OS9: variants seen among roughly 807,000 people sequenced by gnomAD.
OS9 encodes the protein OS9 endoplasmic reticulum lectin, also known as protein OS-9.
Under a neutral mutation model 84.7 loss-of-function variants are expected in OS9, and 58 were observed. The ratio of observed to expected loss-of-function variants is 0.68; its 90% CI spans 0.55 to 0.85. The LOEUF is 0.85. Among genes scored for constraint, OS9 ranks in the 40% least tolerant of loss-of-function variants. The pLI, the probability that OS9 is intolerant of heterozygous loss-of-function variation, is 0.00. For missense variants in OS9, 760 were observed against 850.9 expected, an observed-to-expected ratio of 0.89 and a Z score of 1.33; for synonymous variants, 278 against 320.8, an observed-to-expected ratio of 0.87 and a Z score of 1.43.
chr12:57,704,726 G>GTT lies in OS9; in HGVS notation c.579+8354_579+8355insTT, dbSNP rs1297030465. On this transcript the variant is annotated intron_variant, in intron 5 of 14. Coordinates refer to ENST00000315970, the MANE Select transcript of OS9 (RefSeq NM_006812.4). ...TTTGTCTTCTTGTTTTGTTTATAGT[G>GTT]TCTTAAATGAATTTTAATTTAAAAA... 5.9e-5 allele frequency among the ~76,000 whole-genome samples: 9 copies of GTT among 152,134 alleles called. No homozygotes were observed. The East Asian group carries it at 1.7e-3, about 29-fold the overall frequency.
chr12:57,720,593 C>T, intron 14 of OS9, 75 bp downstream of exon 14: 2 of 1,304,254 alleles, frequency 1.5e-6, no homozygotes, highest in Non-Finnish European at 2.2e-6. Context: ...CCAGCCACGC[C>T]ATTGCTGAGC....
chr12:57,698,148 C>T (rs1474151383), intron 5 of OS9, among the ~76,000 whole-genome samples: 3 of 152,182 alleles, frequency 2.0e-5, no homozygotes, highest in African/African-American at 7.2e-5. Context: ...CAGTGCTTCA[C>T]TCAAATAGGT....
At chr12:57,719,286 C>T (rs1276488045) in intron 12 of OS9, 104 bp downstream of exon 12, 4 of 899,634 alleles carry the variant, frequency 4.4e-6, no homozygotes, top group South Asian at 3.4e-5. Flanking sequence ...TGAGGGTGCT[C>T]ATTCTCTCCC....
rs757857381 is a variant in OS9, at chr12:57,720,538, G to A, written c.1878+20G>A. On this transcript the variant is annotated intron_variant, in intron 14 of 14. Coordinates refer to ENST00000315970, the MANE Select transcript of OS9 (RefSeq NM_006812.4). ...ATCTTGGTAAGAGGCTTCTACCCCC[G>A]AGTCCTGGCCCCCAGCCCTCCTGGA... 1.7e-5 allele frequency: 26 copies of A among 1,542,038 alleles called. No homozygotes were observed. The highest frequency in any genetic ancestry group is 1.7e-4 in the Middle Eastern group (1 of 5,964).
At chr12:57,706,846 GAAAAAAAAAA>G (rs11423380) in intron 5 of OS9, among the ~76,000 whole-genome samples, 2 of 41,716 alleles carry the variant, frequency 4.8e-5, no homozygotes, top group Non-Finnish European at 8.3e-5. Context: ...ATGACTCTCT[GAAAAAAAAAA>G]AAAAAAAAAA....
chr12:57,706,305 T>G (rs568425045), intron 5 of OS9, among the ~76,000 whole-genome samples: 1 of 151,616 alleles, frequency 6.6e-6, no homozygotes, highest in South Asian at 2.1e-4. Context: ...TATTTTCTAG[T>G]TTTTTTTTAT....
chr12:57,694,157 G>T lies in OS9; in HGVS notation c.-5G>T. 2 of 1,614,122 alleles carry T rather than the reference G, an allele frequency of 1.2e-6. No homozygotes were observed. Among genetic ancestry groups the T allele is most frequent in the Non-Finnish European group, 1.7e-6 (2 of 1,179,986 alleles). ...AGATTCTCTGCATAAGAAGGGGAAC[G>T]AAAGATGGCGGCGGAAACGCTGCTG... On this transcript the variant is annotated 5_prime_UTR_variant, in exon 1 of 15. Coordinates refer to ENST00000315970, the MANE Select transcript of OS9 (RefSeq NM_006812.4).
chr12:57,694,976 A>G (rs753152694), intron 2 of OS9, 50 bp downstream of exon 2: 12 of 1,544,062 alleles, frequency 7.8e-6, no homozygotes, highest in East Asian at 6.7e-5. Flanking sequence ...CTAGCAGTTC[A>G]TCCAAGAACT....
At chr12:57,719,393 T>G (rs1361211464) in intron 12 of OS9, 2 of 572,158 alleles carry the variant, frequency 3.5e-6, no homozygotes, top group Non-Finnish European at 6.2e-6. Context: ...AAGCAGCTTT[T>G]AGAGCATATC....
rs1953843682 is a variant in OS9 at position 57,696,456 on chromosome 12, G to C, written c.579+83G>C. On this transcript the variant is annotated intron_variant, in intron 5 of 14. Transcript: ENST00000315970. Reference sequence around the variant, plus strand: ...AAGAGGGTTGCATCTTATAGTCGGGGCGGGGGCGGGGGGGGTCCCCTCCCA... The same window carrying C: ...AAGAGGGTTGCATCTTATAGTCGGGCCGGGGGCGGGGGGGGTCCCCTCCCA... 2.3e-5 allele frequency: 6 copies of C among 257,748 alleles called. 1 individual carries two copies. The highest frequency in any genetic ancestry group is 4.0e-5 in the South Asian group (1 of 24,874). 16.0% of individuals were successfully genotyped at this position (257,748 alleles called of 1,614,324 possible).
rs149951630 is a variant in OS9, at chr12:57,720,861, C to T, written c.1956C>T (p.Gly652=). 2.5e-6 allele frequency: 4 copies of T among 1,613,966 alleles called. No individual in the cohort carries two copies. In the African/African-American group the frequency reaches 4.0e-5, roughly 16 times the overall value. The part of the protein sequence containing the change: ...ELESNYRRVW[G]SPGGEGTGDL... ...AGAGCAATTACCGCCGGGTGTGGGG[C>T]TCTCCAGGTGGGGAGGGCACAGGGG... The change falls in exon 15 of 15, where the codon GGC becomes GGT. Residue 652 remains glycine (G), a synonymous_variant. Coordinates refer to ENST00000315970, the MANE Select transcript of OS9 (RefSeq NM_006812.4).
In OS9 at chr12:57,720,276, G is replaced by A. The variant is rs1445850983; in HGVS notation, c.1765+13G>A. On this transcript the variant is annotated intron_variant, in intron 13 of 14. Transcript: ENST00000315970. ...CTCACAGCTGCAGGTGGGCCCTGGA[G>A]GGCGGCTGGACCCAGTGCTGTCGGA... 2.7e-5 allele frequency: 43 copies of A among 1,613,506 alleles called. No homozygotes were observed. Among genetic ancestry groups the A allele is most frequent in the Non-Finnish European group, 3.6e-5 (43 of 1,179,866 alleles).
At chr12:57,702,478 C>G (rs1395296937) in intron 5 of OS9, among the ~76,000 whole-genome samples, 1 of 152,174 alleles carries the variant, frequency 6.6e-6, no homozygotes, top group Non-Finnish European at 1.5e-5. Context: ...ACCTATTTAT[C>G]AATGGATGGA....
chr12:57,714,280 C>T (rs1954417468), intron 5 of OS9, among the ~76,000 whole-genome samples: 1 of 151,652 alleles, frequency 6.6e-6, no homozygotes, highest in South Asian at 2.1e-4. Flanking sequence ...GATCTCGGCT[C>T]ACCGCAACCT....
intron 5 of OS9, among the ~76,000 whole-genome samples, chr12:57,700,569 G>A (rs1006257140): frequency 4.6e-5 from 7 of 152,132 alleles, no homozygotes; most frequent in Admixed American, 6.6e-5. Context: ...CTGGCCTGAT[G>A]CCTCCTCAAT....
chr12:57,695,458 G>A (rs754472407), intron 2 of OS9: 5 of 543,352 alleles, frequency 9.2e-6, no homozygotes, highest in African/African-American at 1.9e-5. Flanking sequence ...GTTCTTCTAT[G>A]TTTCCCTAAT....
Position 57,715,980 on chromosome 12 carries a change from T to C in OS9, c.790+10T>C. On this transcript the variant is annotated intron_variant, in intron 6 of 14. Coordinates refer to ENST00000315970, the MANE Select transcript of OS9 (RefSeq NM_006812.4). ...GTTCAGAGGCAAGCCGGTGAGTAAT[T>C]AGAGAAGGAGGAGAAGACGGGGAGA... is the stretch of plus-strand genomic sequence containing the variant. The C allele has an allele frequency of 1.2e-6, 2 of 1,610,050 alleles. No homozygotes were observed. Among genetic ancestry groups the C allele is most frequent in the Non-Finnish European group, 1.7e-6 (2 of 1,177,168 alleles).
Position 57,712,976 on chromosome 12 carries a change from G to A in OS9, c.580-2784G>A, listed in dbSNP as rs73335931. ...CTAATTGCTTTATTGTTTTTGACAT[G>A]TGGGGCATAAGTTGTTCCATAGTTT... is the stretch of plus-strand genomic sequence containing the variant. On this transcript the variant is annotated intron_variant, in intron 5 of 14. Coordinates refer to ENST00000315970, the MANE Select transcript of OS9 (RefSeq NM_006812.4). 4.7e-3 allele frequency among the ~76,000 whole-genome samples: 708 copies of A among 152,240 alleles called. 7 individuals carry two copies. The highest frequency in any genetic ancestry group is 0.016 in the African/African-American group (663 of 41,522).
chr12:57,695,567 G>A, intron 2 of OS9: 2 of 702,228 alleles, frequency 2.8e-6, no homozygotes, highest in Non-Finnish European at 5.2e-6. Context: ...ACCACAAGTG[G>A]AAAACAGACT....
Sources: gnomAD v4.1 joint callset for allele counts (sites outside exome capture counted in the v4.1 genomes callset) on GRCh38, gnomAD v4.1.1 for gene constraint, MANE v1.5 for transcripts, NCBI Gene and HGNC (gene_info 2026-07-23, HGNC 2026-07-21) for gene names.